Variants in ILDR2 observed in about 807,000 individuals in gnomAD.
The protein encoded by ILDR2 is immunoglobulin-like domain-containing receptor 2.
Under a neutral mutation model 66.8 loss-of-function variants are expected in ILDR2, and 25 were observed. The ratio of observed to expected loss-of-function variants is 0.37; its 90% confidence interval spans 0.27 to 0.52. The LOEUF (loss-of-function observed/expected upper bound fraction) is 0.52, where lower values mean the gene tolerates loss of function less well. Ranked by LOEUF, ILDR2 falls within the 20% of genes least tolerant of loss-of-function variation. The pLI, the probability that ILDR2 is intolerant of heterozygous loss-of-function variation, is 0.88. For missense variants in ILDR2, 827 were observed against 876.8 expected (o/e 0.94, Z 0.72); for synonymous variants, 367 against 357.2 (o/e 1.03, Z -0.31).
At chr1:166,956,012 T>C (rs1159987634) in intron 3 of ILDR2, among the ~76,000 whole-genome samples, 1 of 152,222 alleles carries the variant, frequency 6.6e-6, no homozygotes, top group Non-Finnish European at 1.5e-5. Flanking sequence ...GAGCACAAAA[T>C]ATGTGCTCAA....
intron 3 of ILDR2, among the ~76,000 whole-genome samples, chr1:166,948,198 T>G (rs2101947015): frequency 6.6e-6 from 1 of 152,228 alleles, no homozygotes; most frequent in South Asian, 2.1e-4. Flanking sequence ...CCTCTGGATC[T>G]TCTGTTCTCT....
chr1:166,923,575 T>C (rs942127747), intron 7 of ILDR2, among the ~76,000 whole-genome samples: 10 of 152,170 alleles, frequency 6.6e-5, no homozygotes, highest in Admixed American at 5.2e-4. Context: ...TTTGGAAGTA[T>C]GGAAAGAAGA....
At position 166,911,779 on chromosome 1, in the gene ILDR2, G is replaced by A. The variant is rs928571522; in HGVS notation, c.*7576C>T. 2 of 151,902 alleles carry A rather than the reference G, an allele frequency of 1.3e-5. No homozygotes were observed. The highest frequency in any genetic ancestry group is 2.9e-5 in the Non-Finnish European group (2 of 67,964). 9.4% of individuals were successfully genotyped at this position (151,902 alleles called of 1,614,324 possible). On this transcript the variant is annotated 3_prime_UTR_variant, in exon 10 of 10. Coordinates refer to ENST00000271417, the MANE Select transcript of ILDR2 (RefSeq NM_199351.3). ...TAAAACTCAAATAAAGGAGATTAGAGCTAGCTGAAAAGAAAATTAGTGAGC... is the reference window on the plus strand; with the variant it reads ...TAAAACTCAAATAAAGGAGATTAGAACTAGCTGAAAAGAAAATTAGTGAGC...
downstream of ILDR2, among the ~76,000 whole-genome samples, chr1:166,905,350 G>T (rs1042962476): frequency 2.0e-5 from 3 of 152,160 alleles, no homozygotes; most frequent in Non-Finnish European, 4.4e-5. Flanking sequence ...AATTGCAGAA[G>T]CTGAGCCAGC....
chr1:166,969,389 C>T (rs1321056837), intron 1 of ILDR2, among the ~76,000 whole-genome samples: 2 of 152,254 alleles, frequency 1.3e-5, no homozygotes, highest in Non-Finnish European at 2.9e-5. Flanking sequence ...TCATCCAAAA[C>T]ACTTTCTTTC....
chr1:166,920,437 A>G (rs1659842823), intron 9 of ILDR2, among the ~76,000 whole-genome samples: 2 of 152,078 alleles, frequency 1.3e-5, no homozygotes, highest in Non-Finnish European at 2.9e-5. Flanking sequence ...GCTCCCTGTA[A>G]AACCATATAC....
At chr1:166,943,479 G>A (rs1475808555) in intron 3 of ILDR2, among the ~76,000 whole-genome samples, 1 of 115,044 alleles carries the variant, frequency 8.7e-6, no homozygotes, top group Non-Finnish European at 1.6e-5. Flanking sequence ...GCGACAGAGC[G>A]AGACTCCGTC....
In ILDR2 at chr1:166,922,686, T is replaced by C; in HGVS notation, c.1118A>G (p.Tyr373Cys). The C allele has an allele frequency of 4.3e-6, 7 of 1,614,166 alleles. No homozygotes were observed. Among genetic ancestry groups the C allele is most frequent in the Non-Finnish European group, 5.9e-6 (7 of 1,180,022 alleles). The change falls in exon 8 of 10, where the codon TAT (tyrosine) becomes TGT (cysteine). Residue 373 changes from tyrosine (Y) to cysteine (C), a missense_variant. By Grantham distance (194) the Tyr-to-Cys change is radical. Transcript: ENST00000271417. ...VSGDLESNPDYWSGVMGGSSG... is the reference protein window; with the variant it reads ...VSGDLESNPDCWSGVMGGSSG... ...GCTGCCTCCCATGACACCTGACCAA[T>C]AGTCAGGATTGCTCTCCAAGTCCCC... is the stretch of plus-strand genomic sequence containing the variant.
chr1:166,933,269 A>T (rs1280875607), intron 6 of ILDR2, among the ~76,000 whole-genome samples: 1 of 152,256 alleles, frequency 6.6e-6, no homozygotes. Flanking sequence ...TCTGCTGGAA[A>T]AGTTTTTCTC....
chr1:166,920,926 G>C lies in ILDR2; in HGVS notation c.1665C>G (p.Ser555Arg), dbSNP rs771354414. The C allele has an allele frequency of 6.8e-7, 1 of 1,478,500 alleles. No homozygotes were observed. The highest frequency in any genetic ancestry group is 2.8e-5 in the East Asian group (1 of 35,288). 91.6% of individuals were successfully genotyped at this position (1,478,500 alleles called of 1,614,324 possible). ...GGSLETPSKR[S>R]AQLGPRSASY... ...AGGCGCTGCGCGGGCCGAGCTGCGC[G>C]CTCCGCTTGGATGGCGTCTCCAGGC... Residue 555 changes from serine to arginine, a missense_variant, in exon 9 of 10, where the codon AGC (serine) becomes AGG (arginine). Physicochemically the swap from Ser to Arg is moderately radical, Grantham distance 110. Coordinates refer to ENST00000271417, the MANE Select transcript of ILDR2 (RefSeq NM_199351.3).
At chr1:166,945,334 CA>C (rs999682868) in intron 3 of ILDR2, among the ~76,000 whole-genome samples, 2 of 152,198 alleles carry the variant, frequency 1.3e-5, no homozygotes, top group African/African-American at 4.8e-5. Context: ...TGCACACACA[CA>C]AGTGCCAGTT....
intron 1 of ILDR2, among the ~76,000 whole-genome samples, chr1:166,965,411 A>G: frequency 6.6e-6 from 1 of 152,100 alleles, no homozygotes; most frequent in Non-Finnish European, 1.5e-5. Context: ...ACATTGAACA[A>G]TCAGAAAGCA....
chr1:166,945,388 A>G (rs1661557579), intron 3 of ILDR2, among the ~76,000 whole-genome samples: 1 of 152,214 alleles, frequency 6.6e-6, no homozygotes, highest in Non-Finnish European at 1.5e-5. Context: ...ACACATTCAC[A>G]CGCTTTGGAT....
At chr1:166,960,021 A>C (rs1419073242) in intron 1 of ILDR2, among the ~76,000 whole-genome samples, 1 of 152,188 alleles carries the variant, frequency 6.6e-6, no homozygotes, top group Non-Finnish European at 1.5e-5. Context: ...CCCACAGCTA[A>C]AGCATAAACT....
intron 6 of ILDR2, among the ~76,000 whole-genome samples, chr1:166,927,556 C>T (rs1660373185): frequency 6.6e-6 from 1 of 152,220 alleles, no homozygotes. Flanking sequence ...AGATTGAGGA[C>T]ATGCGTCACT....
chr1:166,968,014 G>A (rs1571213308), intron 1 of ILDR2, among the ~76,000 whole-genome samples: 1 of 152,066 alleles, frequency 6.6e-6, no homozygotes. Context: ...GTTGATTTCT[G>A]CTACAAGCCT....
chr1:166,962,585 T>C (rs1662683695), intron 1 of ILDR2, among the ~76,000 whole-genome samples: 1 of 152,132 alleles, frequency 6.6e-6, no homozygotes, highest in African/African-American at 2.4e-5. Context: ...GGGTGGGGAC[T>C]AGGATTGCCA....
rs1181516809 is a variant in ILDR2, at chr1:166,921,182, T to C, written c.1409A>G (p.Gln470Arg). The change falls in exon 9 of 10, where the codon CAG becomes CGG. Residue 470 changes from glutamine (Q) to arginine (R), a missense_variant. This residue lies in a region of ILDR2 where 390 missense variants were observed against 353.6 expected (regional missense o/e 1.10). Coordinates refer to ENST00000271417, the MANE Select transcript of ILDR2 (RefSeq NM_199351.3). This position sits in a 1 kb window ranked among gnomAD's most constrained non-coding sequence, Gnocchi z 5.3. ...GTAGTACTCCTCCAAGGAGTCGTCCTGGTAGAAGCCGCTGTGCGCCCGCGA... is the reference window on the plus strand; with the variant it reads ...GTAGTACTCCTCCAAGGAGTCGTCCCGGTAGAAGCCGCTGTGCGCCCGCGA... The part of the protein sequence containing the change: ...SESRAHSGFY[Q>R]DDSLEEYYGQ... 6 of 1,566,588 alleles carry C rather than the reference T, an allele frequency of 3.8e-6. No individual in the cohort carries two copies. The Admixed American group carries it at 9.1e-5, about 24-fold the overall frequency.
chr1:166,957,723 C>A lies in ILDR2; in HGVS notation c.379+46G>T, dbSNP rs376354817. On this transcript the variant is annotated intron_variant, in intron 2 of 9. Coordinates refer to ENST00000271417, the MANE Select transcript of ILDR2 (RefSeq NM_199351.3). The stretch of plus-strand genomic sequence containing the variant: ...GACATAAGGGAAGGGAAGAATGAAA[C>A]TAACCTCCCTCCCATTTCCTAGATT... 18 of 1,509,496 alleles carry A rather than the reference C, an allele frequency of 1.2e-5. No homozygotes were observed. The African/African-American group carries it at 1.6e-4, about 14-fold the overall frequency. 93.5% of individuals were successfully genotyped at this position (1,509,496 alleles called of 1,614,324 possible).
Sources: allele counts gnomAD v4.1 joint callset (sites outside exome capture counted in the v4.1 genomes callset), GRCh38; gene constraint gnomAD v4.1.1; regional missense constraint gnomAD v4.1.1; non-coding constraint Gnocchi (gnomAD v3.1); transcripts MANE v1.5; gene names NCBI Gene and HGNC (gene_info 2026-07-23, HGNC 2026-07-21).